The following CCT8 variants were observed in gnomAD, a reference collection of about 807,000 sequenced individuals.
CCT8 encodes the protein T-complex protein 1 subunit theta.
Under a neutral mutation model 65.7 loss-of-function variants are expected in CCT8, and 10 were observed. The observed-to-expected ratio is 0.15, with a 90% CI of 0.09 to 0.26. The LOEUF (loss-of-function observed/expected upper bound fraction) is 0.26, where lower values mean the gene tolerates loss of function less well. CCT8 is among the 10% of genes least tolerant of loss of function. The probability of loss-of-function intolerance (pLI) is 1.00; values close to 1 mark genes in which losing one functional copy is unlikely to be tolerated. For synonymous variants in CCT8, 199 were observed against 221.8 expected, an observed-to-expected ratio of 0.90 and a Z score of 0.92; for missense variants, 568 against 669.1, an observed-to-expected ratio of 0.85 and a Z score of 1.67.
Position 29,063,450 on chromosome 21 carries a change from T to G in CCT8, c.843A>C (p.Lys281Asn), listed in dbSNP as rs758651319. The change falls in exon 8 of 15, where the codon AAA (lysine) becomes AAC (asparagine). Residue 281 changes from lysine (K) to asparagine (N), a missense_variant. By Grantham distance (94) the Lys-to-Asn change is moderately conservative. Coordinates refer to ENST00000286788, the MANE Select transcript of CCT8 (RefSeq NM_006585.4). ...GEENLMDAQV[K>N]AIADTGANVV... Reference sequence around the variant, plus strand: ...CATTTGCACCAGTATCAGCAATAGCTTTGACTTGTGCATCCATGAGGTTTT... The same window carrying G: ...CATTTGCACCAGTATCAGCAATAGCGTTGACTTGTGCATCCATGAGGTTTT... 9 of 1,614,114 alleles carry G rather than the reference T, an allele frequency of 5.6e-6. No homozygotes were observed. Among genetic ancestry groups the G allele is most frequent in the South Asian group, 2.2e-5 (2 of 91,084 alleles).
intron 1 of CCT8, among the ~76,000 whole-genome samples, chr21:29,070,928 G>A (rs1178903240): frequency 6.6e-6 from 1 of 152,228 alleles, no homozygotes; most frequent in Non-Finnish European, 1.5e-5. Context: ...TGCCACTGAA[G>A]TGTTTAGAGA....
At chr21:29,067,287 G>A (rs2085634614) in intron 4 of CCT8, among the ~76,000 whole-genome samples, 2 of 152,040 alleles carry the variant, frequency 1.3e-5, no homozygotes, top group Non-Finnish European at 2.9e-5. Context: ...GAGATCTTGG[G>A]CAAGATTTTT....
intron 7 of CCT8, 72 bp downstream of exon 7, chr21:29,064,896 G>T: frequency 7.4e-7 from 1 of 1,357,408 alleles, no homozygotes; most frequent in South Asian, 1.2e-5. Flanking sequence ...GTACTTACTG[G>T]TTTAAGAGCT....
At position 29,067,160 on chromosome 21, in the gene CCT8, C is replaced by G. The variant is rs562310415; in HGVS notation, c.382-89G>C. ...TGCATATGGATGTTTATTTTTGATA[C>G]AAAATGACAAAGAATATACTTCGGA... On this transcript the variant is annotated intron_variant, in intron 4 of 14. Transcript: ENST00000286788. The G allele has an allele frequency of 2.2e-5, 19 of 870,326 alleles. No individual in the cohort carries two copies. The African/African-American group carries it at 2.9e-4, about 13-fold the overall frequency. 53.9% of individuals were successfully genotyped at this position (870,326 alleles called of 1,614,324 possible).
intron 1 of CCT8, 65 bp from the exon 2 acceptor site, chr21:29,070,402 T>G (rs907222141): frequency 2.1e-6 from 2 of 951,708 alleles, no homozygotes; most frequent in Non-Finnish European, 3.2e-6. Flanking sequence ...AAATTTCAAA[T>G]ACAAGATATC....
chr21:29,064,854 GT>G lies in CCT8; in HGVS notation c.762+113del, dbSNP rs1195938975. Reference sequence around the variant, plus strand: ...CTATAAATCTGGCATAAAAAAATAGGTAAGATCCTGCAATGTTCAGTTTTTT... The same window carrying G: ...CTATAAATCTGGCATAAAAAAATAGGAAGATCCTGCAATGTTCAGTTTTTT... On this transcript the variant is annotated intron_variant, in intron 7 of 14. Transcript: ENST00000286788. 9 of 820,116 alleles carry G rather than the reference GT, an allele frequency of 1.1e-5. No homozygotes were observed. The East Asian group carries it at 2.2e-4, about 20-fold the overall frequency. The allele number at this position is 820,116 out of a possible 1,614,324, so 50.8% of individuals were successfully genotyped here.
intron 1 of CCT8, chr21:29,073,283 T>C (rs1415819992): frequency 7.3e-7 from 1 of 1,361,096 alleles, no homozygotes; most frequent in East Asian, 2.8e-5. Flanking sequence ...TCCGTCCACC[T>C]TCAAGGTGTA....
intron 11 of CCT8, 109 bp from the exon 12 acceptor site, chr21:29,061,676 GT>G: frequency 1.9e-6 from 2 of 1,069,440 alleles, no homozygotes; most frequent in Non-Finnish European, 2.8e-6. Context: ...CCAAACAGGA[GT>G]TTTTATCAGT....
At chr21:29,071,865 C>T in intron 1 of CCT8, 1 of 687,506 alleles carries the variant, frequency 1.5e-6, no homozygotes, top group Admixed American at 2.2e-5. Context: ...GGTTTCCCAA[C>T]CAGCTTAGGA....
At chr21:29,062,045 T>G in intron 11 of CCT8, 83 bp downstream of exon 11, 1 of 891,896 alleles carries the variant, frequency 1.1e-6, no homozygotes, top group Non-Finnish European at 1.8e-6. Flanking sequence ...TCTCATGATG[T>G]GCAAGAGTCT....
In CCT8 at chr21:29,066,707, T is replaced by C; in HGVS notation, c.624+9A>G. On this transcript the variant is annotated intron_variant, in intron 6 of 14. Coordinates refer to ENST00000286788, the MANE Select transcript of CCT8 (RefSeq NM_006585.4). ...CTAGATATGTAGCATTAATGCATTT[T>C]CTACTTACCAGAATTTTACAAACTC... The C allele has an allele frequency of 1.3e-6, 2 of 1,588,178 alleles. No homozygotes were observed. Among genetic ancestry groups the C allele is most frequent in the South Asian group, 1.2e-5 (1 of 86,848 alleles).
intron 8 of CCT8, chr21:29,062,832 T>C (rs1233383490): frequency 6.3e-6 from 3 of 473,982 alleles, no homozygotes; most frequent in African/African-American, 2.0e-5. Context: ...CTTTAGGATG[T>C]CAGTGGTTTA....
chr21:29,061,805 G>C (rs771265848), intron 11 of CCT8, among the ~76,000 whole-genome samples: 2 of 152,166 alleles, frequency 1.3e-5, no homozygotes, highest in Non-Finnish European at 2.9e-5. Flanking sequence ...GAATAGTACC[G>C]TATCATTTTT....
At chr21:29,058,439 C>G (rs2085528193) in intron 14 of CCT8, among the ~76,000 whole-genome samples, 1 of 151,372 alleles carries the variant, frequency 6.6e-6, no homozygotes, top group African/African-American at 2.4e-5. Flanking sequence ...GACTCCATCT[C>G]AAAGAAAAAA....
chr21:29,056,944 G>C (rs970354853), intron 14 of CCT8, among the ~76,000 whole-genome samples: 1 of 152,006 alleles, frequency 6.6e-6, no homozygotes, highest in Non-Finnish European at 1.5e-5. Context: ...CAATTTCCTT[G>C]TGGTTTAGGA....
intron 3 of CCT8, among the ~76,000 whole-genome samples, chr21:29,068,146 T>C (rs2085643950): frequency 6.6e-6 from 1 of 152,224 alleles, no homozygotes; most frequent in Non-Finnish European, 1.5e-5. Flanking sequence ...ATTTGTGATT[T>C]AAAGAAAAGG....
chr21:29,071,899 G>A (rs2085684140), intron 1 of CCT8: 1 of 695,620 alleles, frequency 1.4e-6, no homozygotes, highest in Non-Finnish European at 2.6e-6. Flanking sequence ...CCTTTTCAAG[G>A]AAACAAGGCC....
At position 29,065,022 on chromosome 21, in the gene CCT8, A is replaced by C. The variant is rs1234672849; in HGVS notation, c.708T>G (p.Asp236Glu). The C allele has an allele frequency of 6.2e-7, 1 of 1,613,844 alleles. No homozygotes were observed. Among genetic ancestry groups the C allele is most frequent in the Non-Finnish European group, 8.5e-7 (1 of 1,179,798 alleles). The change falls in exon 7 of 15, where the codon GAT (aspartate) becomes GAG (glutamate). Residue 236 changes from aspartate to glutamate, a missense_variant. By Grantham distance (45) the Asp-to-Glu change is conservative. Coordinates refer to ENST00000286788, the MANE Select transcript of CCT8 (RefSeq NM_006585.4). ...ETEGDVTSVKDAKIAVYSCPF... is the reference protein window; with the variant it reads ...ETEGDVTSVKEAKIAVYSCPF... ...GACAAGAGTACACTGCTATTTTTGC[A>C]TCTTTGACAGATGTTACATCACCTT...
intron 14 of CCT8, among the ~76,000 whole-genome samples, chr21:29,057,621 T>C (rs929400987): frequency 2.8e-5 from 4 of 142,912 alleles, no homozygotes; most frequent in Admixed American, 7.2e-5. Context: ...AATATATATA[T>C]ATATAAAATA....
Sources: allele counts gnomAD v4.1 joint callset (sites outside exome capture counted in the v4.1 genomes callset), GRCh38; gene constraint gnomAD v4.1.1; transcripts MANE v1.5; gene names NCBI Gene and HGNC (gene_info 2026-07-23, HGNC 2026-07-21).